Variants in CDH23 observed in about 807,000 individuals in gnomAD.
CDH23 encodes the protein cadherin-23.
In CDH23, 189 loss-of-function variants were observed where a neutral mutation model predicts 317.1. The observed-to-expected ratio is 0.60, with a 90% CI of 0.53 to 0.67. The LOEUF is 0.67. CDH23 is among the 30% of genes least tolerant of loss of function. The probability of loss-of-function intolerance (pLI) is 0.00; values close to 1 mark genes in which losing one functional copy is unlikely to be tolerated. For synonymous variants in CDH23, 1,839 were observed against 1,876.8 expected, an observed-to-expected ratio of 0.98 and a Z score of 0.52; for missense variants, 4,401 against 4,592.4, an observed-to-expected ratio of 0.96 and a Z score of 1.20.
chr10:71,597,088 G>A (rs1859905630), intron 9 of CDH23, among the ~76,000 whole-genome samples: 1 of 152,194 alleles, frequency 6.6e-6, no homozygotes. Context: ...CAGGCAAAGT[G>A]ACTGACTTGT....
rs74506226 is a variant in CDH23 at position 71,706,065 on chromosome 10, G to A, written c.2954-832G>A. Among the ~76,000 whole-genome samples the A allele has an allele frequency of 7.5e-3, 1,136 of 152,290 alleles. 13 individuals carry two copies. The highest frequency in any genetic ancestry group is 0.026 in the African/African-American group (1,078 of 41,552). On this transcript the variant is annotated intron_variant, in intron 25 of 69. Coordinates refer to ENST00000224721, the MANE Select transcript of CDH23 (RefSeq NM_022124.6). ...GATGATGGACAGGGAATATGTCCCA[G>A]CTTTAAGAGAGGACCCCTGGAGGGC... is the stretch of plus-strand genomic sequence containing the variant.
chr10:71,493,332 G>A (rs74148323), intron 3 of CDH23, among the ~76,000 whole-genome samples: 4,545 of 152,096 alleles, frequency 0.03, 220 homozygotes, highest in African/African-American at 0.1. Flanking sequence ...GCAGGGATCC[G>A]GGCAGAAATC....
chr10:71,525,263 C>T (rs1854972225), intron 6 of CDH23, among the ~76,000 whole-genome samples: 1 of 152,236 alleles, frequency 6.6e-6, no homozygotes, highest in South Asian at 2.1e-4. Context: ...TTTAGAACCA[C>T]AAGGTGATAA....
chr10:71,707,421 C>A (rs149196362), intron 26 of CDH23: 1 of 1,291,056 alleles, frequency 7.7e-7, no homozygotes, highest in Non-Finnish European at 9.9e-7. Flanking sequence ...AATGTGGCCT[C>A]ATCCTTCCTT....
chr10:71,609,995 T>TGTGTGTGTGTGA (rs3222215), intron 9 of CDH23, among the ~76,000 whole-genome samples: 2 of 140,822 alleles, frequency 1.4e-5, no homozygotes, highest in African/African-American at 5.3e-5. Context: ...TGTGTGTGTG[T>TGTGTGTGTGTGA]GAGAGAGACA....
chr10:71,729,767 C>T (rs754003233), intron 30 of CDH23, among the ~76,000 whole-genome samples: 1 of 152,126 alleles, frequency 6.6e-6, no homozygotes, highest in Non-Finnish European at 1.5e-5. Flanking sequence ...AGAACTTTTG[C>T]AGGCCCTGGC....
chr10:71,448,782 C>G (rs1359263304), intron 3 of CDH23, among the ~76,000 whole-genome samples: 1 of 152,180 alleles, frequency 6.6e-6, no homozygotes, highest in African/African-American at 2.4e-5. Flanking sequence ...GCCTGGAGCC[C>G]TCTGCTGGGT....
rs753690054 is a variant in CDH23 at position 71,799,143 on chromosome 10, G to A, written c.7087G>A (p.Glu2363Lys). ...CATTGCCAACCGGACAGTGGACTAC[G>A]AGGAGGTGCACTGGCTCAACTTTAC... ...KVIANRTVDY[E>K]EVHWLNFTVR... Residue 2363 changes from glutamate (E) to lysine (K), a missense_variant, in exon 51 of 70, where the codon GAG becomes AAG. Around this residue, in one of 3 missense-constraint regions of CDH23, gnomAD observed 189 missense variants for 250.9 expected, o/e 0.75. Coordinates refer to ENST00000224721, the MANE Select transcript of CDH23 (RefSeq NM_022124.6). The A allele has an allele frequency of 1.6e-5, 26 of 1,613,904 alleles. No homozygotes were observed. Among genetic ancestry groups the A allele is most frequent in the Non-Finnish European group, 2.2e-5 (26 of 1,179,876 alleles).
chr10:71,427,155 A>G (rs1849112313), intron 1 of CDH23, among the ~76,000 whole-genome samples: 1 of 48,662 alleles, frequency 2.1e-5, no homozygotes, highest in Non-Finnish European at 3.5e-5. Context: ...ACCCTGTCTC[A>G]AAAAAAAAAA....
chr10:71,516,904 G>C (rs566200170), intron 6 of CDH23, among the ~76,000 whole-genome samples: 1 of 152,160 alleles, frequency 6.6e-6, no homozygotes, highest in Non-Finnish European at 1.5e-5. Context: ...TGCTCAGCCC[G>C]GGTCCCAGGA....
intron 6 of CDH23, among the ~76,000 whole-genome samples, chr10:71,513,845 G>A (rs898439702): frequency 3.3e-5 from 5 of 152,122 alleles, no homozygotes; most frequent in East Asian, 1.9e-4. Context: ...GCACCTTATC[G>A]TTCTTTGCAG....
At chr10:71,483,793 T>G (rs1852196395) in intron 3 of CDH23, among the ~76,000 whole-genome samples, 1 of 152,214 alleles carries the variant, frequency 6.6e-6, no homozygotes. Context: ...GTCCTGGGAC[T>G]AGGTAATGCA....
At position 71,803,350 on chromosome 10, in the gene CDH23, T is replaced by A. The variant is rs1190730494; in HGVS notation, c.7802T>A (p.Val2601Asp). 6.3e-7 allele frequency: 1 copy of A among 1,597,516 alleles called. No homozygotes were observed. The highest frequency in any genetic ancestry group is 8.5e-7 in the Non-Finnish European group (1 of 1,172,584). The change falls in exon 55 of 70, where the codon GTC (valine) becomes GAC (aspartate). Residue 2601 changes from valine (V) to aspartate (D), a missense_variant. This residue lies in a region of CDH23 where 1,144 missense variants were observed against 1,138.2 expected (regional missense o/e 1.01). Transcript: ENST00000224721. ...LWGTTMLLVE[V>D]IDVNDNRPVF... Reference sequence around the variant, plus strand: ...GGCACCACCATGCTCCTGGTGGAGGTCATCGACGTCAATGACAACCGCCCT... The same window carrying A: ...GGCACCACCATGCTCCTGGTGGAGGACATCGACGTCAATGACAACCGCCCT...
At chr10:71,545,025 G>C (rs1402379614) in intron 6 of CDH23, among the ~76,000 whole-genome samples, 1 of 152,160 alleles carries the variant, frequency 6.6e-6, no homozygotes, top group East Asian at 1.9e-4. Context: ...GACAGTAGCA[G>C]GAGGGGAAAG....
intron 1 of CDH23, among the ~76,000 whole-genome samples, chr10:71,404,257 GC>G (rs1847993534): frequency 1.3e-5 from 2 of 152,116 alleles, no homozygotes; most frequent in Non-Finnish European, 2.9e-5. Context: ...GCTCTCTTAT[GC>G]CCCCTCCCAC....
intron 53 of CDH23, 90 bp downstream of exon 53, chr10:71,800,845 T>C (rs1841538591): frequency 6.5e-7 from 1 of 1,528,764 alleles, no homozygotes; most frequent in Non-Finnish European, 8.9e-7. Flanking sequence ...TGCTGCAGAC[T>C]GGGAGCAGAG....
intron 6 of CDH23, among the ~76,000 whole-genome samples, chr10:71,546,303 G>A (rs145617483): frequency 2.4e-3 from 369 of 152,330 alleles, no homozygotes; most frequent in Middle Eastern, 6.8e-3. Flanking sequence ...AAAAGAAACA[G>A]AGGCATTTGC....
At position 71,725,448 on chromosome 10, in the gene CDH23, G is replaced by A. The variant is rs1866766532; in HGVS notation, c.3507G>A (p.Glu1169=). ...LMRGPRPLDR[E]RNSSHVLIVE... ...GAGGGCCCCGGCCCCTGGACCGGGA[G>A]CGGAACTCATCCCACGTGCTGATAG... Residue 1169 remains glutamate (E), a synonymous_variant, in exon 30 of 70, where the codon GAG becomes GAA. Coordinates refer to ENST00000224721, the MANE Select transcript of CDH23 (RefSeq NM_022124.6). 4 of 1,614,040 alleles carry A rather than the reference G, an allele frequency of 2.5e-6. No homozygotes were observed. Among genetic ancestry groups the A allele is most frequent in the Non-Finnish European group, 3.4e-6 (4 of 1,179,894 alleles).
chr10:71,546,341 C>T (rs1856280375), intron 6 of CDH23, among the ~76,000 whole-genome samples: 1 of 152,222 alleles, frequency 6.6e-6, no homozygotes, highest in Non-Finnish European at 1.5e-5. Context: ...TTTTGAGTGG[C>T]TCCTCTATAC....
Sources: allele counts gnomAD v4.1 joint callset (sites outside exome capture counted in the v4.1 genomes callset), GRCh38; gene constraint gnomAD v4.1.1; regional missense constraint gnomAD v4.1.1; transcripts MANE v1.5; gene names NCBI Gene and HGNC (gene_info 2026-07-23, HGNC 2026-07-21).